Variants in PCNX2 observed in about 807,000 individuals in gnomAD.
PCNX2 encodes the protein pecanex 2.
In PCNX2, 168 loss-of-function variants were observed where a neutral mutation model predicts 223.8. That is an observed-to-expected ratio of 0.75 (90% CI 0.66 to 0.85). PCNX2 has a LOEUF of 0.85. Among genes scored for constraint, PCNX2 ranks in the 40% least tolerant of loss-of-function variants. The pLI is 0.00. For synonymous variants in PCNX2, 1,006 were observed against 1,052.6 expected (o/e 0.96, Z 0.86); for missense variants, 2,507 against 2,675.5 (o/e 0.94, Z 1.39).
chr1:233,039,140 A>C (rs907645818), intron 25 of PCNX2, among the ~76,000 whole-genome samples: 1 of 152,232 alleles, frequency 6.6e-6, no homozygotes, highest in Non-Finnish European at 1.5e-5. Flanking sequence ...TTAAGAATGA[A>C]TTCTGGTAAA....
At chr1:233,275,369 A>G (rs1253635454) in intron 1 of PCNX2, among the ~76,000 whole-genome samples, 2 of 151,864 alleles carry the variant, frequency 1.3e-5, no homozygotes, top group African/African-American at 4.8e-5. Context: ...TGCCCAGATA[A>G]TTTTTGTGCT....
At chr1:233,222,625 C>T (rs75798494) in intron 10 of PCNX2, among the ~76,000 whole-genome samples, 1,834 of 152,224 alleles carry the variant, frequency 0.012, 37 homozygotes, top group African/African-American at 0.042. Context: ...GATGAAATGG[C>T]TCAGACCAGG....
intron 21 of PCNX2, among the ~76,000 whole-genome samples, chr1:233,128,322 G>T (rs1558259493): frequency 1.3e-5 from 2 of 148,586 alleles, no homozygotes; most frequent in African/African-American, 4.9e-5. Flanking sequence ...TAAAAACAAT[G>T]TTTTTTTTTT....
chr1:233,297,482 CAT>C (rs201037940), upstream of PCNX2, among the ~76,000 whole-genome samples: 1,170 of 152,232 alleles, frequency 7.7e-3, 13 homozygotes, highest in Middle Eastern at 0.02. Context: ...GTGCAGAAGA[CAT>C]GTGTAAGTCT....
intron 27 of PCNX2, 38 bp from the exon 28 acceptor site, chr1:233,014,815 T>C (rs372680532): frequency 2.7e-4 from 404 of 1,504,896 alleles, no homozygotes; most frequent in Middle Eastern, 5.5e-4. Flanking sequence ...TTCACACAGA[T>C]TCCAATATGT....
At chr1:233,007,531 T>G (rs1670326175) in intron 28 of PCNX2, among the ~76,000 whole-genome samples, 1 of 152,144 alleles carries the variant, frequency 6.6e-6, no homozygotes, top group African/African-American at 2.4e-5. Flanking sequence ...TGGAGTCATC[T>G]TCTTCTTTTT....
At chr1:233,099,921 T>C (rs894996669) in intron 21 of PCNX2, among the ~76,000 whole-genome samples, 3 of 152,214 alleles carry the variant, frequency 2.0e-5, no homozygotes, top group Non-Finnish European at 4.4e-5. Context: ...TTAGATTAGC[T>C]ATGAACTTGC....
At chr1:233,290,937 G>A in intron 1 of PCNX2, 1 of 985,354 alleles carries the variant, frequency 1.0e-6, no homozygotes, top group Non-Finnish European at 1.2e-6. Flanking sequence ...CCCGGCATGG[G>A]GTCTTGAAGG....
chr1:233,163,920 A>G (rs1406489379), intron 17 of PCNX2, among the ~76,000 whole-genome samples: 2 of 152,118 alleles, frequency 1.3e-5, no homozygotes, highest in Non-Finnish European at 2.9e-5. Context: ...ATATACCACA[A>G]TGTGTTTATC....
At chr1:233,104,091 A>G (rs1674637064) in intron 21 of PCNX2, among the ~76,000 whole-genome samples, 1 of 152,170 alleles carries the variant, frequency 6.6e-6, no homozygotes, top group Non-Finnish European at 1.5e-5. Flanking sequence ...AAAAAATTTC[A>G]TTTTGTTCAA....
At chr1:233,261,458 T>C (rs1210221582) in intron 3 of PCNX2, 137 bp from the exon 4 acceptor site, 1 of 743,742 alleles carries the variant, frequency 1.3e-6, no homozygotes, top group African/African-American at 1.8e-5. Context: ...TTCACTCTCC[T>C]TAAGCTTCTA....
chr1:233,170,979 C>T (rs967284481), intron 17 of PCNX2, among the ~76,000 whole-genome samples: 10 of 152,182 alleles, frequency 6.6e-5, no homozygotes, highest in African/African-American at 2.2e-4. Context: ...TTGTGCGTCA[C>T]GTTGGTGCTC....
chr1:233,215,407 T>C (rs980835486), intron 12 of PCNX2, among the ~76,000 whole-genome samples: 7 of 152,212 alleles, frequency 4.6e-5, no homozygotes, highest in African/African-American at 1.4e-4. Context: ...CAAAAGTGAT[T>C]TCATACTGTC....
chr1:233,014,126 T>A (rs1420052823), intron 28 of PCNX2, among the ~76,000 whole-genome samples: 3 of 152,204 alleles, frequency 2.0e-5, no homozygotes, highest in Non-Finnish European at 4.4e-5. Context: ...ATTTTGTTTC[T>A]GTTCTTTAAA....
chr1:233,258,590 C>A lies in PCNX2; in HGVS notation c.1272G>T (p.Glu424Asp). 6.2e-7 allele frequency: 1 copy of A among 1,613,956 alleles called. No individual in the cohort carries two copies. Among genetic ancestry groups the A allele is most frequent in the Non-Finnish European group, 8.5e-7 (1 of 1,179,880 alleles). The change falls in exon 5 of 34, where the codon GAG becomes GAT. Residue 424 changes from glutamate (E) to aspartate (D), a missense_variant. Physicochemically the swap from Glu to Asp is conservative, Grantham distance 45. Transcript: ENST00000258229. ...NPGAAGSPNA[E>D]QISIPVITLD... is the part of the protein sequence containing the mutation. ...GGGTGATTACAGGAATTGAGATCTGCTCGGCATTTGGAGAACCGGCCGCCC... is the reference window on the plus strand; with the variant it reads ...GGGTGATTACAGGAATTGAGATCTGATCGGCATTTGGAGAACCGGCCGCCC...
intron 15 of PCNX2, among the ~76,000 whole-genome samples, chr1:233,185,084 AAC>A (rs60719299): frequency 0.18 from 25,194 of 141,466 alleles, 2,306 homozygotes; most frequent in Middle Eastern, 0.28. Context: ...TACATACATA[AAC>A]ACACACACAC....
At chr1:233,031,878 G>A in intron 25 of PCNX2, 2 of 982,722 alleles carry the variant, frequency 2.0e-6, no homozygotes, top group Non-Finnish European at 2.4e-6. Flanking sequence ...GTATAGAAAT[G>A]CATACTGGAC....
intron 12 of PCNX2, among the ~76,000 whole-genome samples, chr1:233,213,609 C>T (rs2102920501): frequency 6.6e-6 from 1 of 152,164 alleles, no homozygotes; most frequent in East Asian, 1.9e-4. Flanking sequence ...TCTACATAAC[C>T]TGAAGTGGAT....
chr1:233,247,219 T>A (rs1370046244), intron 8 of PCNX2, among the ~76,000 whole-genome samples: 1 of 152,206 alleles, frequency 6.6e-6, no homozygotes, highest in Non-Finnish European at 1.5e-5. Context: ...TTCAATGCTG[T>A]AATTTTGCTA....
Sources: gnomAD v4.1 joint callset for allele counts (sites outside exome capture counted in the v4.1 genomes callset) on GRCh38, gnomAD v4.1.1 for gene constraint, MANE v1.5 for transcripts, NCBI Gene and HGNC (gene_info 2026-07-23, HGNC 2026-07-21) for gene names.